The following TRDN variants were observed in gnomAD, a reference collection of about 807,000 sequenced individuals.
TRDN encodes the protein triadin in skeletal muscle.
A neutral mutation model predicts 149.7 loss-of-function variants in TRDN; 161 were observed. The observed-to-expected ratio is 1.08, with a 90% CI of 0.95 to 1.23. TRDN has a LOEUF of 1.23. TRDN is among the 50% of genes most tolerant of loss of function. The probability of loss-of-function intolerance (pLI) is 0.00; values close to 1 mark genes in which losing one functional copy is unlikely to be tolerated. For missense variants in TRDN, 896 were observed against 823.5 expected (o/e 1.09, Z -1.08); for synonymous variants, 294 against 250.5 (o/e 1.17, Z -1.64).
At chr6:123,220,053 AG>A (rs1775092882) in intron 40 of TRDN, among the ~76,000 whole-genome samples, 1 of 151,962 alleles carries the variant, frequency 6.6e-6, no homozygotes, top group South Asian at 2.1e-4. Flanking sequence ...ATCAGGCTAT[AG>A]AACTGCCTTC....
intron 21 of TRDN, among the ~76,000 whole-genome samples, chr6:123,341,038 T>A (rs1019756783): frequency 4.6e-5 from 7 of 151,882 alleles, no homozygotes; most frequent in African/African-American, 1.7e-4. Flanking sequence ...AGGATATTTT[T>A]AAAAATATAT....
At chr6:123,417,412 C>G (rs1773702252) in intron 12 of TRDN, among the ~76,000 whole-genome samples, 1 of 152,030 alleles carries the variant, frequency 6.6e-6, no homozygotes, top group Non-Finnish European at 1.5e-5. Flanking sequence ...TCCAGGGATA[C>G]AAATTATTCT....
At chr6:123,463,778 T>G (rs1297665515) in intron 10 of TRDN, among the ~76,000 whole-genome samples, 2 of 98,376 alleles carry the variant, frequency 2.0e-5, no homozygotes, top group Non-Finnish European at 3.9e-5. Context: ...TTTCTTTCTG[T>G]TTTTTTTTTT....
chr6:123,524,668 GA>G (rs1459542955), intron 5 of TRDN, among the ~76,000 whole-genome samples: 1 of 151,874 alleles, frequency 6.6e-6, no homozygotes, highest in Non-Finnish European at 1.5e-5. Context: ...AAAAACAAAA[GA>G]ACTCATCTTG....
At chr6:123,492,906 C>T (rs961570008) in intron 9 of TRDN, among the ~76,000 whole-genome samples, 15 of 152,010 alleles carry the variant, frequency 9.9e-5, no homozygotes, top group African/African-American at 3.6e-4. Context: ...TACCATAAGA[C>T]GAATCAATCT....
chr6:123,354,844 A>T lies in TRDN; in HGVS notation c.1322-2258T>A, dbSNP rs945144208. 2.6e-5 allele frequency among the ~76,000 whole-genome samples: 4 copies of T among 151,900 alleles called. No homozygotes were observed. In the East Asian group the frequency reaches 7.7e-4, roughly 29 times the overall value. ...GGACTCTGGAAGCACAAGAAATCTA[A>T]GTAGGGAAAGGATGGCCTAATTTAA... On this transcript the variant is annotated intron_variant, in intron 20 of 40. Coordinates refer to ENST00000334268, the MANE Select transcript of TRDN (RefSeq NM_006073.4).
intron 1 of TRDN, among the ~76,000 whole-genome samples, chr6:123,598,318 G>A (rs534735882): frequency 2.6e-5 from 4 of 152,140 alleles, no homozygotes; most frequent in Middle Eastern, 3.4e-3. Context: ...ACACGCTATC[G>A]TGAGGTTGAA....
chr6:123,325,371 C>T (rs1401317411), intron 23 of TRDN, among the ~76,000 whole-genome samples: 2 of 151,876 alleles, frequency 1.3e-5, no homozygotes, highest in African/African-American at 4.8e-5. Context: ...AGAAAAAGTA[C>T]AGAAAAATTA....
chr6:123,512,429 C>T, intron 6 of TRDN, 67 bp from the exon 7 acceptor site: 4 of 947,622 alleles, frequency 4.2e-6, no homozygotes, highest in Non-Finnish European at 1.6e-6. Context: ...TTCTTTTGAC[C>T]TCAGTTTCAT....
intron 24 of TRDN, among the ~76,000 whole-genome samples, chr6:123,284,553 G>A (rs1777732879): frequency 6.6e-6 from 1 of 151,934 alleles, no homozygotes; most frequent in African/African-American, 2.4e-5. Context: ...CCCACAGCCA[G>A]CGTAACACTG....
chr6:123,574,275 G>A (rs543046463), intron 1 of TRDN, among the ~76,000 whole-genome samples: 1 of 152,020 alleles, frequency 6.6e-6, no homozygotes, highest in Non-Finnish European at 1.5e-5. Context: ...ATACATATCC[G>A]AAGTTCTTGA....
intron 24 of TRDN, among the ~76,000 whole-genome samples, chr6:123,310,662 T>C (rs1032623887): frequency 6.6e-6 from 1 of 151,928 alleles, no homozygotes; most frequent in African/African-American, 2.4e-5. Flanking sequence ...GAAAGAGATT[T>C]GGCTTTTTTT....
intron 5 of TRDN, among the ~76,000 whole-genome samples, chr6:123,518,239 T>C (rs1779507965): frequency 6.6e-6 from 1 of 152,186 alleles, no homozygotes; most frequent in Admixed American, 6.5e-5. Context: ...AATGGTTCTT[T>C]TAGTTGTTTA....
At chr6:123,421,687 G>A (rs554467866) in intron 12 of TRDN, 5 of 152,054 alleles carry the variant, frequency 3.3e-5, no homozygotes, top group African/African-American at 1.2e-4. Context: ...GAATATTTGG[G>A]GCCAGGTGCA....
intron 24 of TRDN, among the ~76,000 whole-genome samples, chr6:123,292,389 G>A (rs563298878): frequency 6.6e-6 from 1 of 152,250 alleles, no homozygotes; most frequent in Non-Finnish European, 1.5e-5. Context: ...TAGGAGCCAG[G>A]AAATGTATTT....
intron 5 of TRDN, among the ~76,000 whole-genome samples, chr6:123,518,510 A>G (rs1039206456): frequency 4.6e-5 from 7 of 152,178 alleles, no homozygotes; most frequent in African/African-American, 1.7e-4. Flanking sequence ...TGTCTCTGTA[A>G]GGAATGAGGA....
At chr6:123,489,896 C>A (rs1778137918) in intron 9 of TRDN, among the ~76,000 whole-genome samples, 1 of 151,106 alleles carries the variant, frequency 6.6e-6, no homozygotes, top group African/African-American at 2.4e-5. Context: ...TTTTTTGAGA[C>A]ACCATTTTTA....
At chr6:123,280,154 A>G (rs1777529711) in intron 24 of TRDN, among the ~76,000 whole-genome samples, 1 of 152,126 alleles carries the variant, frequency 6.6e-6, no homozygotes, top group Non-Finnish European at 1.5e-5. Context: ...TGGAAAGGCC[A>G]AGACAGTCAG....
intron 4 of TRDN, among the ~76,000 whole-genome samples, chr6:123,532,019 G>C (rs1193642200): frequency 6.6e-6 from 1 of 151,954 alleles, no homozygotes; most frequent in Non-Finnish European, 1.5e-5. Flanking sequence ...ATGAATCCTA[G>C]TTGAGAACCA....
Sources: allele counts gnomAD v4.1 joint callset (sites outside exome capture counted in the v4.1 genomes callset), GRCh38; gene constraint gnomAD v4.1.1; transcripts MANE v1.5; gene names NCBI Gene and HGNC (gene_info 2026-07-23, HGNC 2026-07-21).